WNK3: variants seen among roughly 807,000 people sequenced by gnomAD.
The protein encoded by WNK3 is WNK lysine deficient protein kinase 3.
A neutral mutation model predicts 116.7 loss-of-function variants in WNK3; 18 were observed. That is an observed-to-expected ratio of 0.15 (90% CI 0.11 to 0.23). WNK3 has a LOEUF of 0.23. Ranked by LOEUF, WNK3 falls within the 10% of genes least tolerant of loss-of-function variation. The pLI is 1.00. For synonymous variants in WNK3, 404 were observed against 469.4 expected (o/e 0.86, Z 1.80); for missense variants, 993 against 1,323.8 (o/e 0.75, Z 3.88).
exon 24 of WNK3, chrX:54,195,452 A>C (rs2067434312): frequency 8.9e-6 from 1 of 111,787 alleles, no homozygotes; most frequent in African/African-American, 3.2e-5. Flanking sequence ...AGTACCTCAG[A>C]CAAGGATGAA....
intron 10 of WNK3, among the ~76,000 whole-genome samples, chrX:54,272,882 AT>A: frequency 8.9e-6 from 1 of 112,489 alleles, no homozygotes; most frequent in Admixed American, 9.5e-5. Context: ...AAAGCAAATG[AT>A]TCCATTGGCT....
At chrX:54,231,555 A>G (rs1445430269) in intron 21 of WNK3, among the ~76,000 whole-genome samples, 7 of 111,438 alleles carry the variant, frequency 6.3e-5, no homozygotes, top group Non-Finnish European at 1.1e-4. Flanking sequence ...AAAGCCAGCA[A>G]TGTTGCACCT....
exon 24 of WNK3, chrX:54,194,859 T>C (rs1429545516): frequency 1.8e-5 from 2 of 111,694 alleles, no homozygotes; most frequent in South Asian, 3.7e-4. Flanking sequence ...TAAAATGATA[T>C]ATCCCATCAA....
At chrX:54,234,183 G>T (rs1452933393) in intron 20 of WNK3, among the ~76,000 whole-genome samples, 1 of 110,294 alleles carries the variant, frequency 9.1e-6, no homozygotes, top group Non-Finnish European at 1.9e-5. Flanking sequence ...AGACCAGCCT[G>T]GGCAACACAG....
intron 1 of WNK3, among the ~76,000 whole-genome samples, chrX:54,345,989 G>C (rs1352241036): frequency 1.2e-4 from 13 of 108,442 alleles, no homozygotes; most frequent in African/African-American, 4.3e-4. Context: ...TATTCATCTT[G>C]CAATCCCAAT....
chrX:54,320,982 C>T (rs956518873), intron 2 of WNK3, among the ~76,000 whole-genome samples: 2 of 110,566 alleles, frequency 1.8e-5, no homozygotes, highest in Non-Finnish European at 3.8e-5. Flanking sequence ...CCGCAACCTC[C>T]ACCTCCCGGG....
intron 22 of WNK3, among the ~76,000 whole-genome samples, chrX:54,209,669 G>A (rs1011391484): frequency 5.9e-5 from 6 of 102,512 alleles, no homozygotes; most frequent in Non-Finnish European, 9.8e-5. Context: ...TCCTGCCTGA[G>A]CCTCCCAAGT....
chrX:54,283,251 C>T (rs1280721765), intron 10 of WNK3, among the ~76,000 whole-genome samples: 1 of 110,522 alleles, frequency 9.0e-6, no homozygotes, highest in Non-Finnish European at 1.9e-5. Flanking sequence ...CAAAACCAGC[C>T]AGGGCTATAT....
intron 23 of WNK3, among the ~76,000 whole-genome samples, chrX:54,199,866 A>G (rs2067484960): frequency 8.9e-6 from 1 of 111,808 alleles, no homozygotes; most frequent in Admixed American, 9.5e-5. Context: ...CTAACAAAAA[A>G]TACAGATGAA....
At chrX:54,354,538 G>A (rs1161457352) in intron 1 of WNK3, among the ~76,000 whole-genome samples, 2 of 110,555 alleles carry the variant, frequency 1.8e-5, no homozygotes, top group African/African-American at 6.6e-5. Flanking sequence ...TCAGGGAGGC[G>A]GAAGGAGGGG....
At chrX:54,248,954 G>T (rs139937497) in exon 17 of WNK3, 4 of 1,211,812 alleles carry the variant, frequency 3.3e-6, no homozygotes, top group Non-Finnish European at 4.5e-6. Context: ...TGACTCTCGG[G>T]ATAGATGCTA....
intron 2 of WNK3, among the ~76,000 whole-genome samples, chrX:54,323,045 C>T (rs782287027): frequency 3.0e-4 from 33 of 111,067 alleles, no homozygotes; most frequent in Non-Finnish European, 5.5e-4. Context: ...CTAAAATCAG[C>T]GGGCAAAAGT....
intron 22 of WNK3, among the ~76,000 whole-genome samples, chrX:54,226,483 A>G (rs1261397167): frequency 9.7e-5 from 10 of 103,429 alleles, no homozygotes; most frequent in Non-Finnish European, 1.8e-4. Flanking sequence ...AAAAAAAAAA[A>G]AAAAAGAAGA....
chrX:54,213,378 C>G (rs1276367282), intron 22 of WNK3, among the ~76,000 whole-genome samples: 1 of 107,538 alleles, frequency 9.3e-6, no homozygotes, highest in African/African-American at 3.4e-5. Context: ...CATGGTGAAA[C>G]CGAGTCTCTA....
At chrX:54,293,358 A>G (rs2068661974) in intron 8 of WNK3, 31 bp from the exon 9 acceptor site, 8 of 1,131,918 alleles carry the variant, frequency 7.1e-6, no homozygotes, top group Non-Finnish European at 9.4e-6. Context: ...TAACAGGTAG[A>G]AGGGAAAACT....
At chrX:54,247,112 G>A (rs187783280) in intron 17 of WNK3, among the ~76,000 whole-genome samples, 186 of 111,392 alleles carry the variant, frequency 1.7e-3, no homozygotes, top group African/African-American at 5.6e-3. Context: ...ACTCATAGAA[G>A]TATTTTAGGG....
chrX:54,331,770 T>C (rs1316767693), intron 2 of WNK3, among the ~76,000 whole-genome samples: 1 of 111,694 alleles, frequency 9.0e-6, no homozygotes, highest in African/African-American at 3.2e-5. Context: ...AGAGTTTGCA[T>C]ATGAAGCAAA....
At chrX:54,208,501 A>C (rs1557143128) in intron 22 of WNK3, among the ~76,000 whole-genome samples, 1 of 111,008 alleles carries the variant, frequency 9.0e-6, no homozygotes, top group East Asian at 2.8e-4. Flanking sequence ...CAGCCTTCTG[A>C]GTAGCTGTGA....
intron 22 of WNK3, among the ~76,000 whole-genome samples, chrX:54,226,748 G>C (rs1452675841): frequency 9.1e-6 from 1 of 109,785 alleles, no homozygotes; most frequent in Non-Finnish European, 1.9e-5. Context: ...GCTAAGGCAG[G>C]AGAATCGCTT....
Sources: allele counts gnomAD v4.1 joint callset (sites outside exome capture counted in the v4.1 genomes callset), GRCh38; gene constraint gnomAD v4.1.1; transcripts MANE v1.5; gene names NCBI Gene and HGNC (gene_info 2026-07-23, HGNC 2026-07-21).